Variants in ANO1 observed in about 807,000 individuals in gnomAD.
ANO1 encodes anoctamin-1.
Under a neutral mutation model 124.0 loss-of-function variants are expected in ANO1, and 59 were observed. The ratio of observed to expected loss-of-function variants is 0.48; its 90% CI spans 0.39 to 0.59. ANO1 has a LOEUF of 0.59. Among genes scored for constraint, ANO1 ranks in the 20% least tolerant of loss-of-function variants. ANO1 has a pLI of 0.00. For missense variants in ANO1, 1,059 were observed against 1,328.0 expected (o/e 0.80, Z 3.15); for synonymous variants, 529 against 532.0 (o/e 0.99, Z 0.08).
chr11:70,169,029 G>C (rs1425269679), intron 21 of ANO1, among the ~76,000 whole-genome samples: 16 of 152,190 alleles, frequency 1.1e-4, no homozygotes, highest in Non-Finnish European at 2.1e-4. Flanking sequence ...TTTAAACTCA[G>C]CATTGGCCAT....
intron 1 of ANO1, among the ~76,000 whole-genome samples, chr11:69,990,302 TC>T (rs1255786490): frequency 6.6e-6 from 1 of 152,248 alleles, no homozygotes; most frequent in Non-Finnish European, 1.5e-5. Flanking sequence ...TTTTAAGGCA[TC>T]CGTGTTGTAG....
intron 2 of ANO1, among the ~76,000 whole-genome samples, chr11:70,095,573 A>G (rs966520340): frequency 2.6e-5 from 4 of 152,210 alleles, no homozygotes; most frequent in African/African-American, 7.2e-5. Context: ...CATTCTGGCT[A>G]TAGTTCTGAG....
intron 1 of ANO1, among the ~76,000 whole-genome samples, chr11:70,007,359 C>G (rs1157313053): frequency 6.6e-6 from 1 of 151,164 alleles, no homozygotes; most frequent in African/African-American, 2.4e-5. Context: ...TCACGGCAAG[C>G]TCCGCCTCCC....
chr11:70,037,277 C>A (rs1857110946), intron 1 of ANO1, among the ~76,000 whole-genome samples: 1 of 151,934 alleles, frequency 6.6e-6, no homozygotes, highest in South Asian at 2.1e-4. Flanking sequence ...TGGAGCAGGG[C>A]AGGTGGGGGT....
intron 1 of ANO1, among the ~76,000 whole-genome samples, chr11:70,023,082 C>G (rs1714023298): frequency 6.6e-6 from 1 of 152,236 alleles, no homozygotes; most frequent in Admixed American, 6.5e-5. Context: ...AACAGCCCTG[C>G]TGACACCTTA....
At chr11:69,978,761 A>C in the ANO1 span, among the ~76,000 whole-genome samples, 3 of 152,212 alleles carry the variant, frequency 2.0e-5, no homozygotes, top group Non-Finnish European at 4.4e-5. Flanking sequence ...CTCTCTATTC[A>C]GGACGAATTG....
intron 1 of ANO1, among the ~76,000 whole-genome samples, chr11:70,032,543 G>T (rs552408273): frequency 6.6e-6 from 1 of 151,146 alleles, no homozygotes; most frequent in African/African-American, 2.4e-5. Flanking sequence ...AGAGGGGGGG[G>T]GTCTCTGAAG....
At position 70,105,961 on chromosome 11, in the gene ANO1, G is replaced by A. The variant is rs150095012; in HGVS notation, c.747+173G>A. 2.8e-4 allele frequency among the ~76,000 whole-genome samples: 43 copies of A among 152,226 alleles called. No homozygotes were observed. The East Asian group carries it at 5.0e-3, about 18-fold the overall frequency. On this transcript the variant is annotated intron_variant, in intron 5 of 25. Coordinates refer to ENST00000355303, the MANE Select transcript of ANO1 (RefSeq NM_018043.7). ...GCAACGAGGGGCCCAGGGGATGGTCGTGCCCCAGGCAGGGGCAGCTGAGAG... is the reference window on the plus strand; with the variant it reads ...GCAACGAGGGGCCCAGGGGATGGTCATGCCCCAGGCAGGGGCAGCTGAGAG...
chr11:70,076,066 C>T (rs532245602), upstream of ANO1, among the ~76,000 whole-genome samples: 3 of 152,352 alleles, frequency 2.0e-5, no homozygotes, highest in Admixed American at 6.5e-5. Flanking sequence ...TTCCTCTGCC[C>T]TTGCTGTGGC....
At chr11:70,037,011 C>T (rs1412307921) in intron 1 of ANO1, among the ~76,000 whole-genome samples, 1 of 152,198 alleles carries the variant, frequency 6.6e-6, no homozygotes, top group African/African-American at 2.4e-5. Flanking sequence ...GCCTGACTGT[C>T]ACTCAATAAA....
chr11:70,178,177 G>C (rs1005601486), intron 22 of ANO1, among the ~76,000 whole-genome samples: 1 of 152,212 alleles, frequency 6.6e-6, no homozygotes, highest in East Asian at 1.9e-4. Flanking sequence ...TTAGGAGCTC[G>C]GAGTCCACGG....
intron 1 of ANO1, among the ~76,000 whole-genome samples, chr11:70,052,745 G>C (rs1235939622): frequency 1.3e-5 from 2 of 151,662 alleles, no homozygotes; most frequent in East Asian, 1.9e-4. Context: ...AGTAGAGACA[G>C]GGTTTCACCA....
chr11:70,082,268 G>A (rs1156768175), intron 1 of ANO1, among the ~76,000 whole-genome samples: 6 of 152,188 alleles, frequency 3.9e-5, no homozygotes, highest in African/African-American at 1.4e-4. Flanking sequence ...TCAAAAAGAT[G>A]AATAAGAGGG....
intron 1 of ANO1, among the ~76,000 whole-genome samples, chr11:70,050,252 T>C (rs149540154): frequency 0.011 from 1,686 of 152,294 alleles, 14 homozygotes; most frequent in Non-Finnish European, 0.015. Flanking sequence ...GTAACAGAGC[T>C]GTTTAGTACC....
intron 2 of ANO1, among the ~76,000 whole-genome samples, chr11:70,089,831 G>C (rs1320390917): frequency 2.0e-5 from 3 of 152,172 alleles, no homozygotes; most frequent in Non-Finnish European, 4.4e-5. Context: ...AGAACAATGC[G>C]GCTACTATAC....
chr11:70,046,957 G>A (rs190610207), intron 1 of ANO1, among the ~76,000 whole-genome samples: 103 of 151,922 alleles, frequency 6.8e-4, no homozygotes, highest in African/African-American at 2.3e-3. Flanking sequence ...TCAGGCACCT[G>A]TAATTCCAGC....
At chr11:69,996,510 A>G (rs1856274177) in intron 1 of ANO1, among the ~76,000 whole-genome samples, 4 of 152,196 alleles carry the variant, frequency 2.6e-5, no homozygotes, top group Admixed American at 1.3e-4. Flanking sequence ...TGATTTTAAT[A>G]AACAGTCATT....
intron 2 of ANO1, among the ~76,000 whole-genome samples, chr11:70,096,725 G>T (rs1031686822): frequency 1.3e-5 from 2 of 152,170 alleles, no homozygotes; most frequent in Non-Finnish European, 2.9e-5. Context: ...GTTGGGCATG[G>T]TGGCACATGC....
intron 1 of ANO1, among the ~76,000 whole-genome samples, chr11:70,020,700 TG>T (rs1856788302): frequency 6.6e-6 from 1 of 152,040 alleles, no homozygotes; most frequent in Non-Finnish European, 1.5e-5. Context: ...TGGGATGACA[TG>T]GGTTCCCCAG....
Sources: gnomAD v4.1 joint callset for allele counts (sites outside exome capture counted in the v4.1 genomes callset) on GRCh38, gnomAD v4.1.1 for gene constraint, MANE v1.5 for transcripts, NCBI Gene and HGNC (gene_info 2026-07-23, HGNC 2026-07-21) for gene names.